Variants in NACC2 observed in about 807,000 individuals in gnomAD.
The protein encoded by NACC2 is NACC family member 2, also known as nucleus accumbens-associated protein 2.
In NACC2, 8 loss-of-function variants were observed where a neutral mutation model predicts 25.1. That is an observed-to-expected ratio of 0.32 (90% CI 0.19 to 0.57). NACC2 has a LOEUF of 0.57. Among genes scored for constraint, NACC2 ranks in the 20% least tolerant of loss-of-function variants. NACC2 has a pLI of 0.89. For synonymous variants in NACC2, 435 were observed against 294.7 expected (o/e 1.48, Z -4.88); for missense variants, 644 against 650.2 (o/e 0.99, Z 0.10).
At chr9:136,094,350 G>C (rs1029531313) in intron 1 of NACC2, among the ~76,000 whole-genome samples, 3 of 152,182 alleles carry the variant, frequency 2.0e-5, no homozygotes, top group African/African-American at 7.2e-5. Flanking sequence ...GAGAGTCCAA[G>C]ACCAAACTTC....
chr9:136,064,439 C>T lies in NACC2; in HGVS notation c.-59-13859G>A, dbSNP rs145646514. 3.2e-4 allele frequency among the ~76,000 whole-genome samples: 49 copies of T among 152,246 alleles called. No homozygotes were observed. In the East Asian group the frequency reaches 9.3e-3, roughly 29 times the overall value. The stretch of plus-strand genomic sequence containing the variant: ...CAACCTAAAAATAAAATCAAGTAAA[C>T]AATTCCATTTACAACGGCATCAAAA... On this transcript the variant is annotated intron_variant, in intron 1 of 5. Transcript: ENST00000277554.
intron 2 of NACC2, among the ~76,000 whole-genome samples, chr9:136,038,796 G>C (rs1840590880): frequency 2.6e-5 from 4 of 152,104 alleles, no homozygotes; most frequent in Non-Finnish European, 1.5e-5. Context: ...TTGAGGAGGT[G>C]GGCTGAGGGA....
At chr9:136,047,614 C>A (rs1840750383) in intron 2 of NACC2, among the ~76,000 whole-genome samples, 2 of 152,236 alleles carry the variant, frequency 1.3e-5, no homozygotes, top group African/African-American at 4.8e-5. Flanking sequence ...GTCCCCACCC[C>A]TCAGCCCCAA....
At chr9:136,071,808 C>T (rs1841156287) in intron 1 of NACC2, among the ~76,000 whole-genome samples, 1 of 152,044 alleles carries the variant, frequency 6.6e-6, no homozygotes, top group Admixed American at 6.6e-5. Flanking sequence ...ACAAAATTTG[C>T]CCAACTGATT....
chr9:136,049,624 C>A lies in NACC2; in HGVS notation c.886+12G>T, dbSNP rs1236376217. On this transcript the variant is annotated intron_variant, in intron 2 of 5. Transcript: ENST00000277554. The stretch of plus-strand genomic sequence containing the variant: ...CAGCCAGGTGGTGTGGGGCTCCACC[C>A]CGCCGCGTTACCTGCATAGCTGCCG... 2 of 770,986 alleles carry A rather than the reference C, an allele frequency of 2.6e-6. No individual in the cohort carries two copies. The highest frequency in any genetic ancestry group is 4.8e-6 in the Non-Finnish European group (2 of 413,780). 47.8% of individuals were successfully genotyped at this position (770,986 alleles called of 1,614,324 possible).
At chr9:136,014,204 TG>T (rs1430576447) in intron 3 of NACC2, among the ~76,000 whole-genome samples, 2 of 150,554 alleles carry the variant, frequency 1.3e-5, no homozygotes, top group Non-Finnish European at 3.0e-5. Flanking sequence ...AAGCAGGGGG[TG>T]GGGAAAGCCA....
At chr9:136,052,104 G>A (rs2131164501) in intron 1 of NACC2, among the ~76,000 whole-genome samples, 1 of 152,342 alleles carries the variant, frequency 6.6e-6, no homozygotes, top group African/African-American at 2.4e-5. Flanking sequence ...GTAAATGCCA[G>A]CTCCCAGCCC....
intron 2 of NACC2, among the ~76,000 whole-genome samples, chr9:136,031,168 CA>C (rs1177856898): frequency 6.6e-6 from 1 of 152,150 alleles, no homozygotes; most frequent in Non-Finnish European, 1.5e-5. Flanking sequence ...AATAGCACAG[CA>C]TTATACAAAC....
At chr9:136,089,182 C>T (rs983556179) in intron 1 of NACC2, among the ~76,000 whole-genome samples, 4 of 151,902 alleles carry the variant, frequency 2.6e-5, no homozygotes, top group East Asian at 3.9e-4. Context: ...AGGCTACCCC[C>T]GGGCCCCCAC....
At chr9:136,035,844 T>C (rs1453981193) in intron 2 of NACC2, among the ~76,000 whole-genome samples, 1 of 152,190 alleles carries the variant, frequency 6.6e-6, no homozygotes, top group African/African-American at 2.4e-5. Flanking sequence ...CTACCAATTG[T>C]GAAGGGGATA....
intron 1 of NACC2, among the ~76,000 whole-genome samples, chr9:136,066,717 G>C (rs918060896): frequency 2.0e-5 from 3 of 152,154 alleles, no homozygotes; most frequent in Admixed American, 2.0e-4. Context: ...CAATAGCCAA[G>C]AAGTGGAAAT....
intron 1 of NACC2, among the ~76,000 whole-genome samples, chr9:136,074,613 T>A (rs545995349): frequency 6.6e-6 from 1 of 151,888 alleles, no homozygotes; most frequent in East Asian, 2.0e-4. Context: ...CCTCGTTCTG[T>A]CACAGCAAGG....
chr9:136,074,835 G>A (rs534522950), intron 1 of NACC2, among the ~76,000 whole-genome samples: 19 of 152,226 alleles, frequency 1.2e-4, no homozygotes, highest in Non-Finnish European at 2.4e-4. Context: ...CAGCCTCGGC[G>A]TCTACACCTC....
chr9:136,062,191 A>G (rs894568131), intron 1 of NACC2, among the ~76,000 whole-genome samples: 1 of 151,984 alleles, frequency 6.6e-6, no homozygotes, highest in African/African-American at 2.4e-5. Flanking sequence ...AAAGAGAGAG[A>G]AAAGAAAGAA....
At chr9:136,035,482 G>A (rs1840537953) in intron 2 of NACC2, among the ~76,000 whole-genome samples, 1 of 152,146 alleles carries the variant, frequency 6.6e-6, no homozygotes, top group Non-Finnish European at 1.5e-5. Context: ...AAAAGATAGA[G>A]GCTGAGACAC....
chr9:136,046,720 G>A (rs1025675488), intron 2 of NACC2, among the ~76,000 whole-genome samples: 20 of 152,198 alleles, frequency 1.3e-4, no homozygotes, highest in African/African-American at 4.3e-4. Context: ...AGGCACTGGA[G>A]AAATCAAACG....
rs1275718153 is a variant in NACC2, at chr9:136,050,268, CAGA to C, written c.251_253del (p.Phe84del). On this transcript the variant is annotated inframe_deletion, in exon 2 of 6. Coordinates refer to ENST00000277554, the MANE Select transcript of NACC2 (RefSeq NM_144653.5). ...CGTCATGGTGAGCCTGCCCGTGTAG[CAGA>C]AGGACAGGATCTGCTGGAAGCAGGC... is the stretch of plus-strand genomic sequence containing the variant. 1 of 765,682 alleles carries C rather than the reference CAGA, an allele frequency of 1.3e-6. No homozygotes were observed. 47.4% of individuals were successfully genotyped at this position (765,682 alleles called of 1,614,324 possible). A position where few individuals can be genotyped will look rare whatever the true frequency, so the allele number is the denominator to read the frequency against.
Position 136,011,904 on chromosome 9 carries a change from A to C in NACC2, c.1376T>G (p.Leu459Arg). 2 of 1,587,758 alleles carry C rather than the reference A, an allele frequency of 1.3e-6. No individual in the cohort carries two copies. The highest frequency in any genetic ancestry group is 1.7e-6 in the Non-Finnish European group (2 of 1,169,802). ...GCGGTACATCTCCACGCCCTCCGGCAGCATGGACTTGATCTTGGGCAGCCA... is the reference window on the plus strand; with the variant it reads ...GCGGTACATCTCCACGCCCTCCGGCCGCATGGACTTGATCTTGGGCAGCCA... ...KRWLPKIKSM[L>R]PEGVEMYRTV... The change falls in exon 6 of 6, where the codon CTG (leucine) becomes CGG (arginine). Residue 459 changes from leucine (L) to arginine (R), a missense_variant. By Grantham distance (102) the Leu-to-Arg change is moderately radical. Coordinates refer to ENST00000277554, the MANE Select transcript of NACC2 (RefSeq NM_144653.5).
intron 2 of NACC2, among the ~76,000 whole-genome samples, chr9:136,045,314 G>GC (rs1840703962): frequency 6.6e-6 from 1 of 152,160 alleles, no homozygotes; most frequent in Non-Finnish European, 1.5e-5. Flanking sequence ...GGGCCCACAG[G>GC]CCCTGTGGCC....
Sources: allele counts gnomAD v4.1 joint callset (sites outside exome capture counted in the v4.1 genomes callset), GRCh38; gene constraint gnomAD v4.1.1; transcripts MANE v1.5; gene names NCBI Gene and HGNC (gene_info 2026-07-23, HGNC 2026-07-21).